MECR: variants seen among roughly 807,000 people sequenced by gnomAD.
MECR encodes the protein enoyl-[acyl-carrier-protein] reductase, mitochondrial.
A neutral mutation model predicts 49.1 loss-of-function variants in MECR; 37 were observed. The observed-to-expected ratio is 0.75, with a 90% CI of 0.58 to 0.99. The LOEUF is 0.99. MECR is among the 50% of genes least tolerant of loss of function. MECR has a pLI of 0.00. For synonymous variants in MECR, 198 were observed against 191.1 expected (o/e 1.04, Z -0.30); for missense variants, 470 against 479.6 (o/e 0.98, Z 0.19).
In MECR at chr1:29,218,090, T is replaced by C. The variant is rs540274001; in HGVS notation, c.177-1405A>G. Among the ~76,000 whole-genome samples, 75 of 150,276 alleles carry C rather than the reference T, an allele frequency of 5.0e-4. 1 individual carries two copies. The South Asian group carries it at 0.015, about 31-fold the overall frequency. Reference sequence around the variant, plus strand: ...CTCTGGAAGCCTCTTCCATGTTAAGTGGTAAGTCCCTCTGCTCATGGTGGG... The same window carrying C: ...CTCTGGAAGCCTCTTCCATGTTAAGCGGTAAGTCCCTCTGCTCATGGTGGG... On this transcript the variant is annotated intron_variant, in intron 1 of 9. Coordinates refer to ENST00000263702, the MANE Select transcript of MECR (RefSeq NM_016011.5).
the MECR span, chr1:29,181,822 A>ACGGCGG: frequency 1.5e-6 from 2 of 1,328,760 alleles, no homozygotes; most frequent in East Asian, 2.9e-5. Context: ...AAGCGAGAGC[A>ACGGCGG]CGGCGGCAGC....
the MECR span, chr1:29,181,520 T>G: frequency 1.3e-6 from 1 of 788,240 alleles, no homozygotes; most frequent in Non-Finnish European, 1.9e-6. Context: ...GCCGCCACTA[T>G]GGCGGAGCCT....
At chr1:29,185,222 CTATT>C in the MECR span, among the ~76,000 whole-genome samples, 1 of 152,092 alleles carries the variant, frequency 6.6e-6, no homozygotes, top group Non-Finnish European at 1.5e-5. Flanking sequence ...ACCCAACCTC[CTATT>C]TATTATTTTA....
chr1:29,175,413 C>T, the MECR span, among the ~76,000 whole-genome samples: 117 of 143,508 alleles, frequency 8.2e-4, 1 homozygote, highest in Middle Eastern at 9.5e-3. Context: ...AAAAAATTTC[C>T]GGCCGGGCGT....
chr1:29,182,823 C>A, the MECR span, among the ~76,000 whole-genome samples: 1 of 152,176 alleles, frequency 6.6e-6, no homozygotes, highest in African/African-American at 2.4e-5. Flanking sequence ...GGATTACAGG[C>A]GTGAGCCACT....
the MECR span, chr1:29,169,490 G>A: frequency 6.6e-6 from 1 of 152,226 alleles, no homozygotes; most frequent in Non-Finnish European, 1.5e-5. Flanking sequence ...TGATGTGTGT[G>A]TGCTAATACC....
In MECR at chr1:29,195,938, C is replaced by T. The variant is rs1426559019; in HGVS notation, c.964+3G>A. 5 of 1,614,092 alleles carry T rather than the reference C, an allele frequency of 3.1e-6. No homozygotes were observed. In the Admixed American group the frequency reaches 8.3e-5, roughly 27 times the overall value. ...GACTCTTGGCACTGGGCCATGCACT[C>T]ACCTGGACTGTGATCCTTCTTCCAC... On this transcript the variant is annotated splice_donor_region_variant and intron_variant, in intron 9 of 9. Transcript: ENST00000263702.
intron 3 of MECR, among the ~76,000 whole-genome samples, chr1:29,208,064 C>T (rs1258311367): frequency 6.6e-6 from 1 of 152,098 alleles, no homozygotes; most frequent in Admixed American, 6.5e-5. Context: ...ATGATCTCGG[C>T]TCACTGCAAC....
At chr1:29,199,105 G>A (rs1435203577) in intron 7 of MECR, among the ~76,000 whole-genome samples, 1 of 152,258 alleles carries the variant, frequency 6.6e-6, no homozygotes, top group African/African-American at 2.4e-5. Context: ...CAGTGTCGCA[G>A]CCCTCTCTGT....
At chr1:29,184,176 C>CT in the MECR span, among the ~76,000 whole-genome samples, 116 of 109,950 alleles carry the variant, frequency 1.1e-3, 1 homozygote, top group African/African-American at 1.5e-3. Flanking sequence ...CTGTACCCGG[C>CT]TTTTTTTTTT....
chr1:29,192,154 G>A (rs774172043), downstream of MECR, among the ~76,000 whole-genome samples: 1 of 151,800 alleles, frequency 6.6e-6, no homozygotes, highest in Middle Eastern at 3.2e-3. Context: ...AAAATCCCTT[G>A]GTGCCTCCCT....
chr1:29,178,738 A>C, the MECR span, among the ~76,000 whole-genome samples: 3 of 152,088 alleles, frequency 2.0e-5, no homozygotes, highest in Non-Finnish European at 4.4e-5. Flanking sequence ...AGGGGACTAT[A>C]AGCTTACATA....
In MECR at chr1:29,201,552, T is replaced by G. The variant is rs937368772; in HGVS notation, c.756+391A>C. The G allele has an allele frequency of 2.0e-5, 9 of 457,938 alleles. No homozygotes were observed. Among genetic ancestry groups the G allele is most frequent in the African/African-American group, 1.4e-4 (7 of 49,026 alleles). The allele number at this position is 457,938 out of a possible 1,614,324, so 28.4% of individuals were successfully genotyped here. A position where few individuals can be genotyped will look rare whatever the true frequency, so the allele number is the denominator to read the frequency against. ...CAGATAACAGTTCCTTTGAAAAGCT[T>G]TTGTGGAAATCATCAGATAAAATGT... On this transcript the variant is annotated intron_variant, in intron 6 of 9. Transcript: ENST00000263702. This position sits in a 1 kb window ranked among gnomAD's most constrained non-coding sequence, Gnocchi z 4.3.
downstream of MECR, among the ~76,000 whole-genome samples, chr1:29,189,514 G>A (rs1403628744): frequency 1.3e-5 from 2 of 152,178 alleles, no homozygotes; most frequent in African/African-American, 2.4e-5. Context: ...TGCCCGGACC[G>A]TCTGAAATTA....
At chr1:29,202,302 T>C (rs188387744) in intron 5 of MECR, among the ~76,000 whole-genome samples, 1 of 152,172 alleles carries the variant, frequency 6.6e-6, no homozygotes, top group Non-Finnish European at 1.5e-5. Flanking sequence ...TTAGAAGCCA[T>C]CTGTGCCCAG....
intron 7 of MECR, among the ~76,000 whole-genome samples, chr1:29,198,595 G>T (rs1450163278): frequency 6.6e-6 from 1 of 152,192 alleles, no homozygotes; most frequent in Non-Finnish European, 1.5e-5. Flanking sequence ...ACAGGTACTT[G>T]ACCTCTTTGG....
the MECR span, among the ~76,000 whole-genome samples, chr1:29,176,489 T>TA: frequency 6.5e-3 from 898 of 137,582 alleles, 5 homozygotes; most frequent in Middle Eastern, 0.018. Context: ...CTAAAAACTT[T>TA]AAAAAAAAAA....
the MECR span, among the ~76,000 whole-genome samples, chr1:29,174,162 G>A: frequency 6.7e-6 from 1 of 150,230 alleles, no homozygotes. Context: ...GCACTGCACT[G>A]CAGCCTGGGA....
At chr1:29,203,324 G>A (rs1415706260) in intron 4 of MECR, 91 bp from the exon 5 acceptor site, 4 of 979,094 alleles carry the variant, frequency 4.1e-6, no homozygotes, top group East Asian at 5.4e-5. Context: ...GTAGGCAAGG[G>A]AGTCCTCAGG....
Sources: allele counts gnomAD v4.1 joint callset (sites outside exome capture counted in the v4.1 genomes callset), GRCh38; gene constraint gnomAD v4.1.1; non-coding constraint Gnocchi (gnomAD v3.1); transcripts MANE v1.5; gene names NCBI Gene and HGNC (gene_info 2026-07-23, HGNC 2026-07-21).